The following SCN11A variants were observed in gnomAD, a reference collection of about 807,000 sequenced individuals.
SCN11A encodes the protein sodium voltage-gated channel alpha subunit 11.
A neutral mutation model predicts 162.2 loss-of-function variants in SCN11A; 122 were observed. The observed-to-expected ratio is 0.75, with a 90% CI of 0.65 to 0.87. The LOEUF is 0.87. SCN11A is among the 40% of genes least tolerant of loss of function. The probability of loss-of-function intolerance (pLI) is 0.00; values close to 1 mark genes in which losing one functional copy is unlikely to be tolerated. For missense variants in SCN11A, 2,015 were observed against 2,181.6 expected, an observed-to-expected ratio of 0.92 and a Z score of 1.52; for synonymous variants, 758 against 751.5, an observed-to-expected ratio of 1.01 and a Z score of -0.14.
At chr3:38,973,606 T>C (rs2066830538) in intron 2 of SCN11A, among the ~76,000 whole-genome samples, 1 of 152,242 alleles carries the variant, frequency 6.6e-6, no homozygotes, top group African/African-American at 2.4e-5. Flanking sequence ...TTGGATAAAA[T>C]ATTAAAAGTT....
intron 23 of SCN11A, among the ~76,000 whole-genome samples, chr3:38,878,167 A>ATAAT (rs112030352): frequency 1.4e-4 from 10 of 71,628 alleles, no homozygotes; most frequent in Non-Finnish European, 1.9e-4. Context: ...CTATTGAAAT[A>ATAAT]TAATAAATAA....
chr3:39,029,306 T>C (rs1371612902), intron 2 of SCN11A, among the ~76,000 whole-genome samples: 2 of 152,218 alleles, frequency 1.3e-5, no homozygotes, highest in African/African-American at 4.8e-5. Flanking sequence ...TCTATATAAA[T>C]ATGTATTTTC....
intron 26 of SCN11A, among the ~76,000 whole-genome samples, chr3:38,868,631 G>A (rs761438216): frequency 6.6e-6 from 1 of 152,168 alleles, no homozygotes; most frequent in African/African-American, 2.4e-5. Flanking sequence ...GGAAATGTAG[G>A]AAAAATAAAC....
At chr3:38,924,345 G>A (rs567651274) in intron 9 of SCN11A, among the ~76,000 whole-genome samples, 1 of 151,766 alleles carries the variant, frequency 6.6e-6, no homozygotes, top group Admixed American at 6.6e-5. Flanking sequence ...TCGAGTAGCT[G>A]AGATTAAAGG....
intron 1 of SCN11A, among the ~76,000 whole-genome samples, chr3:39,033,933 G>A (rs1246734347): frequency 6.6e-6 from 1 of 152,090 alleles, no homozygotes; most frequent in Non-Finnish European, 1.5e-5. Flanking sequence ...GGGAGGCCAA[G>A]GTGGGCAGAT....
intron 16 of SCN11A, among the ~76,000 whole-genome samples, chr3:38,900,354 T>C (rs1257538459): frequency 6.6e-6 from 1 of 152,148 alleles, no homozygotes; most frequent in Non-Finnish European, 1.5e-5. Flanking sequence ...CTGTTGAAGA[T>C]AAAGCAAAAT....
At position 38,847,272 on chromosome 3, in the gene SCN11A, T is replaced by A. The variant is rs1372910740; in HGVS notation, c.4798A>T (p.Ile1600Phe). The change falls in exon 30 of 30, where the codon ATT (isoleucine) becomes TTT (phenylalanine). Residue 1600 changes from isoleucine to phenylalanine, a missense_variant. By Grantham distance (21) the Ile-to-Phe change is conservative. Transcript: ENST00000302328. ...ISFLIVVNMY[I>F]AVILENFNTA... is the part of the protein sequence containing the mutation. ...TTGAAGTTCTCTAAAATCACAGCAA[T>A]GTACATGTTGACAACAATGAGAAAG... The A allele has an allele frequency of 6.2e-7, 1 of 1,614,080 alleles. No individual in the cohort carries two copies. The highest frequency in any genetic ancestry group is 1.3e-5 in the African/African-American group (1 of 74,932).
At chr3:39,009,629 T>C (rs1052183324) in intron 2 of SCN11A, among the ~76,000 whole-genome samples, 16 of 145,906 alleles carry the variant, frequency 1.1e-4, no homozygotes, top group African/African-American at 2.8e-4. Context: ...AAGCATAGCA[T>C]ACTAGATGGC....
In SCN11A at chr3:38,950,321, C is replaced by G. The variant is rs371232966; in HGVS notation, c.42G>C (p.Arg14=). Residue 14 remains arginine (R), a synonymous_variant, in exon 5 of 30, where the codon CGG becomes CGC. Transcript: ENST00000302328. ...AGTCGGAAGTGAAGGGGCGGAAATT[C>G]CGCTCATCTGGAAAGATTACTGGGT... is the stretch of plus-strand genomic sequence containing the variant. The part of the protein sequence containing the change: ...RCYPVIFPDE[R]NFRPFTSDSL... 6.2e-7 allele frequency: 1 copy of G among 1,613,884 alleles called. No individual in the cohort carries two copies. The highest frequency in any genetic ancestry group is 8.5e-7 in the Non-Finnish European group (1 of 1,180,030).
intron 19 of SCN11A, among the ~76,000 whole-genome samples, chr3:38,892,056 C>G (rs2065509528): frequency 6.6e-6 from 1 of 152,104 alleles, no homozygotes; most frequent in Non-Finnish European, 1.5e-5. Context: ...TCATCATGTA[C>G]AAGGTGACAT....
intron 2 of SCN11A, among the ~76,000 whole-genome samples, chr3:38,988,021 A>G (rs1476227780): frequency 1.3e-5 from 2 of 151,374 alleles, no homozygotes; most frequent in Admixed American, 6.5e-5. Flanking sequence ...GACTAGCTAC[A>G]TAATTTGTGG....
chr3:39,039,901 GC>G (rs1237907280), intron 1 of SCN11A, among the ~76,000 whole-genome samples: 1 of 152,160 alleles, frequency 6.6e-6, no homozygotes, highest in East Asian at 1.9e-4. Context: ...CAGCAACCCT[GC>G]CCCATCCAGT....
chr3:38,935,499 AAG>A (rs2066316167), intron 7 of SCN11A, among the ~76,000 whole-genome samples: 1 of 152,202 alleles, frequency 6.6e-6, no homozygotes, highest in East Asian at 1.9e-4. Context: ...TAAAGAAGAA[AAG>A]AGAGAATAAT....
chr3:38,905,459 G>T, intron 14 of SCN11A, 138 bp from the exon 15 acceptor site: 2 of 875,856 alleles, frequency 2.3e-6, no homozygotes, highest in South Asian at 2.2e-5. Context: ...CGTCTTTACA[G>T]CATGCCAAAT....
chr3:39,027,180 G>A (rs968011474), intron 2 of SCN11A, among the ~76,000 whole-genome samples: 1 of 152,126 alleles, frequency 6.6e-6, no homozygotes, highest in Non-Finnish European at 1.5e-5. Flanking sequence ...GTAGAATGAG[G>A]GACATTGAAC....
chr3:39,020,434 A>G (rs1482030265), intron 2 of SCN11A, among the ~76,000 whole-genome samples: 1 of 150,720 alleles, frequency 6.6e-6, no homozygotes, highest in South Asian at 2.1e-4. Flanking sequence ...AAGAACCTGT[A>G]CATTTCTCTG....
At chr3:39,034,734 T>C (rs1235988264) in intron 1 of SCN11A, among the ~76,000 whole-genome samples, 1 of 152,204 alleles carries the variant, frequency 6.6e-6, no homozygotes, top group Non-Finnish European at 1.5e-5. Context: ...AAAAAACTAT[T>C]AGAACTGATA....
chr3:38,930,210 T>C (rs1476825823), intron 7 of SCN11A, among the ~76,000 whole-genome samples: 4 of 152,134 alleles, frequency 2.6e-5, no homozygotes, highest in Admixed American at 2.0e-4. Context: ...TATCCAGTCA[T>C]AATAGCCCTG....
chr3:38,902,186 A>G (rs1350030249), intron 16 of SCN11A, among the ~76,000 whole-genome samples: 2 of 152,164 alleles, frequency 1.3e-5, no homozygotes, highest in Non-Finnish European at 2.9e-5. Flanking sequence ...CCATGCCCCT[A>G]TAGACACAGC....
Sources: allele counts gnomAD v4.1 joint callset (sites outside exome capture counted in the v4.1 genomes callset), GRCh38; gene constraint gnomAD v4.1.1; transcripts MANE v1.5; gene names NCBI Gene and HGNC (gene_info 2026-07-23, HGNC 2026-07-21).